CYRIA: variants seen among roughly 807,000 people sequenced by gnomAD.
CYRIA encodes the protein CYFIP related Rac1 interactor A.
Under a neutral mutation model 43.9 loss-of-function variants are expected in CYRIA, and 15 were observed. That is an observed-to-expected ratio of 0.34 (90% CI 0.23 to 0.53). CYRIA has a LOEUF of 0.53. Ranked by LOEUF, CYRIA falls within the 20% of genes least tolerant of loss-of-function variation. CYRIA has a pLI of 0.94. For missense variants in CYRIA, 236 were observed against 394.2 expected (o/e 0.60, Z 3.40); for synonymous variants, 117 against 136.0 (o/e 0.86, Z 0.97).
chr2:16,590,417 A>T (rs922645178), intron 2 of CYRIA, among the ~76,000 whole-genome samples: 6 of 152,160 alleles, frequency 3.9e-5, no homozygotes, highest in Non-Finnish European at 8.8e-5. Flanking sequence ...ACTTTCATAC[A>T]AAGTGCTTTG....
At chr2:16,591,886 G>A (rs746782707) in intron 2 of CYRIA, among the ~76,000 whole-genome samples, 1 of 151,980 alleles carries the variant, frequency 6.6e-6, no homozygotes, top group Admixed American at 6.6e-5. Context: ...ATACACACAT[G>A]TACATGCACA....
intron 1 of CYRIA, among the ~76,000 whole-genome samples, chr2:16,625,963 A>G (rs537875594): frequency 2.0e-5 from 3 of 152,180 alleles, no homozygotes; most frequent in Admixed American, 1.3e-4. Context: ...AGGGTCAGTC[A>G]GGCGGAACAC....
chr2:16,625,110 G>A (rs958944674), intron 1 of CYRIA, among the ~76,000 whole-genome samples: 2 of 152,172 alleles, frequency 1.3e-5, no homozygotes, highest in Non-Finnish European at 2.9e-5. Context: ...ACTGTGGTAA[G>A]GGCATGAAAG....
intron 2 of CYRIA, among the ~76,000 whole-genome samples, chr2:16,616,939 TG>T (rs1402325797): frequency 6.6e-6 from 1 of 152,242 alleles, no homozygotes; most frequent in Non-Finnish European, 1.5e-5. Context: ...GGCTCTTAAC[TG>T]CAGCACTACA....
chr2:16,632,592 T>C (rs1215133216), intron 1 of CYRIA, among the ~76,000 whole-genome samples: 2 of 152,234 alleles, frequency 1.3e-5, no homozygotes, highest in Non-Finnish European at 2.9e-5. Context: ...CTGAGGTTGG[T>C]CATCCTTCAT....
rs1668436804 is a variant in CYRIA, at chr2:16,607,241, A to G, written c.-11+16623T>C. On this transcript the variant is annotated intron_variant, in intron 2 of 11. Transcript: ENST00000381323. Reference sequence around the variant, plus strand: ...AGCAAGCTGTGCAGACGGTCAACCTAAGGCTGGGACAGGAAAGGTGGATGA... The same window carrying G: ...AGCAAGCTGTGCAGACGGTCAACCTGAGGCTGGGACAGGAAAGGTGGATGA... Among the ~76,000 whole-genome samples, 4 of 140,856 alleles carry G rather than the reference A, an allele frequency of 2.8e-5. No individual in the cohort carries two copies. In the South Asian group the frequency reaches 7.2e-4, roughly 25 times the overall value. 92.4% of individuals were successfully genotyped at this position (140,856 alleles called of 152,430 possible).
chr2:16,643,260 G>A lies in CYRIA; in HGVS notation c.-166-19241C>T, dbSNP rs117882815. Among the ~76,000 whole-genome samples the A allele has an allele frequency of 3.0e-4, 46 of 152,136 alleles. No homozygotes were observed. In the East Asian group the frequency reaches 6.8e-3, roughly 22 times the overall value. Reference sequence around the variant, plus strand: ...AATACAGGAATGAATCACTTTAGTCGTTCATCCTTGAACCGTAGCTTAAAC... The same window carrying A: ...AATACAGGAATGAATCACTTTAGTCATTCATCCTTGAACCGTAGCTTAAAC... On this transcript the variant is annotated intron_variant, in intron 1 of 11. Transcript: ENST00000381323.
intron 1 of CYRIA, among the ~76,000 whole-genome samples, chr2:16,637,196 C>G (rs1669524509): frequency 1.3e-5 from 2 of 152,116 alleles, no homozygotes; most frequent in Non-Finnish European, 2.9e-5. Flanking sequence ...TCATCAAACT[C>G]TTTTCTTTTT....
At chr2:16,565,874 T>C in intron 3 of CYRIA, 107 bp from the exon 4 acceptor site, 2 of 1,113,606 alleles carry the variant, frequency 1.8e-6, no homozygotes, top group South Asian at 4.5e-5. Flanking sequence ...ATATTCCTGC[T>C]GCTCTGGTAT....
intron 2 of CYRIA, among the ~76,000 whole-genome samples, chr2:16,593,833 G>A (rs1472708029): frequency 1.4e-5 from 2 of 144,696 alleles, no homozygotes; most frequent in East Asian, 2.1e-4. Flanking sequence ...CCACTAATGT[G>A]TCATCTAGCA....
At chr2:16,573,980 G>A (rs1025097718) in intron 3 of CYRIA, among the ~76,000 whole-genome samples, 9 of 152,164 alleles carry the variant, frequency 5.9e-5, no homozygotes, top group African/African-American at 2.2e-4. Context: ...AACAGACAGA[G>A]GTTGGAACAG....
At chr2:16,618,829 G>A (rs1384264771) in intron 2 of CYRIA, among the ~76,000 whole-genome samples, 1 of 152,184 alleles carries the variant, frequency 6.6e-6, no homozygotes, top group African/African-American at 2.4e-5. Context: ...CTAGACATAT[G>A]CTGCTCTGAC....
chr2:16,642,385 T>C (rs1424132348), intron 1 of CYRIA, among the ~76,000 whole-genome samples: 1 of 152,216 alleles, frequency 6.6e-6, no homozygotes, highest in Admixed American at 6.5e-5. Flanking sequence ...GCCTCCTCTT[T>C]ATTTCACGCC....
intron 1 of CYRIA, among the ~76,000 whole-genome samples, chr2:16,632,366 C>T (rs1669351026): frequency 6.6e-6 from 1 of 152,190 alleles, no homozygotes; most frequent in Non-Finnish European, 1.5e-5. Flanking sequence ...CTGTTCAAAC[C>T]CAACAGGAAT....
At chr2:16,603,950 G>T (rs1005360950) in intron 2 of CYRIA, among the ~76,000 whole-genome samples, 2 of 152,162 alleles carry the variant, frequency 1.3e-5, no homozygotes, top group African/African-American at 4.8e-5. Context: ...TCCTAAATAT[G>T]CCAGGTTTAT....
chr2:16,657,271 C>A (rs934604464), intron 1 of CYRIA, among the ~76,000 whole-genome samples: 2 of 152,184 alleles, frequency 1.3e-5, no homozygotes, highest in African/African-American at 2.4e-5. Context: ...CTCACTCTTT[C>A]AGCCCTGGCT....
rs184335153 is a variant in CYRIA, at chr2:16,549,695, G to T, written c.*3241C>A. 2.6e-5 allele frequency: 4 copies of T among 152,060 alleles called. No homozygotes were observed. Among genetic ancestry groups the T allele is most frequent in the Non-Finnish European group, 5.9e-5 (4 of 68,002 alleles). 9.4% of individuals were successfully genotyped at this position (152,060 alleles called of 1,614,324 possible). A position where few individuals can be genotyped will look rare whatever the true frequency, so the allele number is the denominator to read the frequency against. On this transcript the variant is annotated 3_prime_UTR_variant, in exon 12 of 12. Coordinates refer to ENST00000381323, the MANE Select transcript of CYRIA (RefSeq NM_030797.4). ...TATTACTAACATTTAAAAAATATTT[G>T]TAGCTGCATAGGATACAAGATTGAA...
chr2:16,581,416 G>A (rs1480772289), intron 3 of CYRIA, among the ~76,000 whole-genome samples: 1 of 152,144 alleles, frequency 6.6e-6, no homozygotes, highest in East Asian at 1.9e-4. Context: ...ACCACTGCTA[G>A]AACAGCTAAC....
intron 2 of CYRIA, among the ~76,000 whole-genome samples, chr2:16,611,314 G>A (rs781390053): frequency 2.0e-5 from 3 of 152,122 alleles, no homozygotes; most frequent in Non-Finnish European, 2.9e-5. Context: ...GCAGTGAGCC[G>A]AGATTGCACC....
Sources: allele counts gnomAD v4.1 joint callset (sites outside exome capture counted in the v4.1 genomes callset), GRCh38; gene constraint gnomAD v4.1.1; transcripts MANE v1.5; gene names NCBI Gene and HGNC (gene_info 2026-07-23, HGNC 2026-07-21).